Variants in FN1 observed in about 807,000 individuals in gnomAD.
FN1 encodes fibronectin 1.
Under a neutral mutation model 297.3 loss-of-function variants are expected in FN1, and 106 were observed. That is an observed-to-expected ratio of 0.36 (90% CI 0.30 to 0.42). The LOEUF is 0.42. Among genes scored for constraint, FN1 ranks in the 10% least tolerant of loss-of-function variants. The pLI is 1.00. For missense variants in FN1, 2,690 were observed against 3,124.9 expected (o/e 0.86, Z 3.32); for synonymous variants, 1,149 against 1,152.6 (o/e 1.00, Z 0.06).
At chr2:215,373,285 C>T in intron 39 of FN1, 37 bp downstream of exon 39, 2 of 1,495,750 alleles carry the variant, frequency 1.3e-6, no homozygotes, top group Non-Finnish European at 1.9e-6. Context: ...TTAGTTTTGT[C>T]CTATCTTTCT....
intron 38 of FN1, 74 bp downstream of exon 38, chr2:215,375,140 C>A: frequency 7.1e-7 from 1 of 1,399,434 alleles, no homozygotes; most frequent in South Asian, 1.2e-5. Context: ...ATCAAAGACG[C>A]TGTGGGAGTT....
intron 43 of FN1, 44 bp downstream of exon 43, chr2:215,365,461 G>T: frequency 6.3e-7 from 1 of 1,598,498 alleles, no homozygotes; most frequent in South Asian, 1.1e-5. Flanking sequence ...TAATGAAAGT[G>T]AGAATGCTTA....
At chr2:215,413,309 G>T (rs1272280195) in intron 13 of FN1, among the ~76,000 whole-genome samples, 1 of 152,156 alleles carries the variant, frequency 6.6e-6, no homozygotes, top group Non-Finnish European at 1.5e-5. Context: ...AGTAGAGACG[G>T]GGTTTCGCCA....
chr2:215,393,228 G>C lies in FN1; in HGVS notation c.3797-25C>G, dbSNP rs762855043. 3.8e-5 allele frequency: 60 copies of C among 1,584,938 alleles called. No homozygotes were observed. The African/African-American group carries it at 4.4e-4, about 12-fold the overall frequency. On this transcript the variant is annotated intron_variant, in intron 24 of 45. Transcript: ENST00000354785. Reference sequence around the variant, plus strand: ...TCTATTGAGTTACAAAGCAAAGGGAGGGGGAGGCAAAAGGAAAATAGAGGG... The same window carrying C: ...TCTATTGAGTTACAAAGCAAAGGGACGGGGAGGCAAAAGGAAAATAGAGGG...
rs73091327 is a variant in FN1 at position 215,426,059 on chromosome 2, T to C, written c.845-774A>G. On this transcript the variant is annotated intron_variant, in intron 6 of 45. Coordinates refer to ENST00000354785, the MANE Select transcript of FN1 (RefSeq NM_212482.4). ...CTCTGGATTATTTGTGATTCTATTG[T>C]GTTTTTTCTAAAACCAATTGATCCT... Among the ~76,000 whole-genome samples, 713 of 152,312 alleles carry C rather than the reference T, an allele frequency of 4.7e-3. 7 individuals are homozygous for C. The highest frequency in any genetic ancestry group is 0.017 in the African/African-American group (692 of 41,576).
At chr2:215,410,985 T>C (rs536775597) in intron 13 of FN1, among the ~76,000 whole-genome samples, 3 of 152,358 alleles carry the variant, frequency 2.0e-5, no homozygotes, top group African/African-American at 7.2e-5. Context: ...CAATTCAAGT[T>C]TCTTGTCCTG....
At chr2:215,389,238 G>A (rs1404763485) in intron 26 of FN1, among the ~76,000 whole-genome samples, 2 of 152,000 alleles carry the variant, frequency 1.3e-5, no homozygotes, top group Non-Finnish European at 2.9e-5. Context: ...TGAGTAGCTG[G>A]GATTACAGGT....
rs1217227861 is a variant in FN1 at position 215,386,853 on chromosome 2, T to C, written c.4448A>G (p.His1483Arg). The change falls in exon 28 of 46, where the codon CAT becomes CGT. Residue 1483 changes from histidine (H) to arginine (R), a missense_variant. Physicochemically the swap from His to Arg is conservative, Grantham distance 29. Coordinates refer to ENST00000354785, the MANE Select transcript of FN1 (RefSeq NM_212482.4). ...RATITGYRIRHHPEHFSGRPR... is the reference protein window; with the variant it reads ...RATITGYRIRRHPEHFSGRPR... ...TCTCCCACTGAAGTGCTCGGGATGA[T>C]GGCGGATCCTGTAGCCAGTGATGGT... 1.2e-6 allele frequency: 2 copies of C among 1,613,888 alleles called. No homozygotes were observed. The highest frequency in any genetic ancestry group is 1.7e-6 in the Non-Finnish European group (2 of 1,180,002).
At chr2:215,365,054 G>C in intron 43 of FN1, 69 bp from the exon 44 acceptor site, 1 of 1,029,696 alleles carries the variant, frequency 9.7e-7, no homozygotes, top group Non-Finnish European at 1.5e-6. Flanking sequence ...TCTAGGGGTG[G>C]GTTCTATTTC....
intron 21 of FN1, 30 bp from the exon 22 acceptor site, chr2:215,397,878 A>T: frequency 6.2e-7 from 1 of 1,606,874 alleles, no homozygotes; most frequent in Non-Finnish European, 8.5e-7. Context: ...GTAAACACCA[A>T]GGACAAATAT....
chr2:215,406,314 C>A lies in FN1; in HGVS notation c.2910G>T (p.Gly970=). ...TFAEVTGLSP[G]VTYYFKVFAV... is the part of the protein sequence containing the mutation. ...CAAAGACTTTGAAGTAATAGGTGACCCCAGGGGACAGCCCGGTGACTTCTG... is the reference window on the plus strand; with the variant it reads ...CAAAGACTTTGAAGTAATAGGTGACACCAGGGGACAGCCCGGTGACTTCTG... The change falls in exon 19 of 46, where the codon GGG becomes GGT. Residue 970 remains glycine, a synonymous_variant. Coordinates refer to ENST00000354785, the MANE Select transcript of FN1 (RefSeq NM_212482.4). 6.2e-7 allele frequency: 1 copy of A among 1,614,168 alleles called. No homozygotes were observed. The highest frequency in any genetic ancestry group is 8.5e-7 in the Non-Finnish European group (1 of 1,180,024).
At position 215,393,426 on chromosome 2, in the gene FN1, GAATATA is replaced by G. The variant is rs898032699; in HGVS notation, c.3797-229_3797-224del. 1.9e-3 allele frequency: 311 copies of G among 168,052 alleles called. 1 individual carries two copies. The highest frequency in any genetic ancestry group is 2.8e-3 in the Non-Finnish European group (275 of 98,954). The allele number at this position is 168,052 out of a possible 1,614,324, so 10.4% of individuals were successfully genotyped here. A position where few individuals can be genotyped will look rare whatever the true frequency, so the allele number is the denominator to read the frequency against. On this transcript the variant is annotated intron_variant, in intron 24 of 45. Coordinates refer to ENST00000354785, the MANE Select transcript of FN1 (RefSeq NM_212482.4). ...GAATAAACAGGAATATTCTTTTAGG[GAATATA>G]TATATATATATATTTTTTACATTTT...
chr2:215,431,356 G>C (rs960066558), intron 4 of FN1, among the ~76,000 whole-genome samples: 1 of 152,146 alleles, frequency 6.6e-6, no homozygotes, highest in Non-Finnish European at 1.5e-5. Context: ...TTTCAGGCTT[G>C]TACTTACAAA....
intron 44 of FN1, chr2:215,362,683 C>A: frequency 6.4e-6 from 1 of 155,338 alleles, no homozygotes; most frequent in Non-Finnish European, 1.4e-5. Context: ...CCGGAGATGG[C>A]ATGGGAGATG....
At chr2:215,361,786 T>C (rs555360639) in intron 45 of FN1, 160 bp from the exon 46 acceptor site, 2 of 450,984 alleles carry the variant, frequency 4.4e-6, no homozygotes, top group African/African-American at 4.2e-5. Flanking sequence ...CAATAGGAGA[T>C]GTTCAAGAGT....
chr2:215,405,315 G>A (rs2061632055), intron 19 of FN1, among the ~76,000 whole-genome samples: 1 of 152,162 alleles, frequency 6.6e-6, no homozygotes, highest in Non-Finnish European at 1.5e-5. Context: ...AGAGGCAGTC[G>A]AGTATAATAA....
intron 28 of FN1, among the ~76,000 whole-genome samples, chr2:215,385,713 CA>C (rs1316398743): frequency 4.0e-5 from 6 of 151,406 alleles, no homozygotes; most frequent in Non-Finnish European, 4.4e-5. Flanking sequence ...CTGCTAAGAA[CA>C]ATGACACTAT....
intron 33 of FN1, chr2:215,379,813 C>G (rs1166884999): frequency 6.2e-6 from 1 of 161,092 alleles, no homozygotes; most frequent in African/African-American, 2.4e-5. Flanking sequence ...CTACCTCAGC[C>G]TCTTGAGTAG....
chr2:215,389,502 G>C (rs988870502), intron 26 of FN1, among the ~76,000 whole-genome samples: 1 of 152,068 alleles, frequency 6.6e-6, no homozygotes, highest in Non-Finnish European at 1.5e-5. Context: ...GCATCATAGA[G>C]TGTACCTACA....
Sources: gnomAD v4.1 joint callset for allele counts (sites outside exome capture counted in the v4.1 genomes callset) on GRCh38, gnomAD v4.1.1 for gene constraint, MANE v1.5 for transcripts, NCBI Gene and HGNC (gene_info 2026-07-23, HGNC 2026-07-21) for gene names.